ARL5B: variants seen among roughly 807,000 people sequenced by gnomAD.
ARL5B encodes ADP-ribosylation factor-like protein 5B.
ARL5B carries 10 observed loss-of-function variants against 26.9 expected under a neutral mutation model. The observed-to-expected ratio is 0.37, with a 90% CI of 0.23 to 0.63. The LOEUF is 0.63. Ranked by LOEUF, ARL5B falls within the 30% of genes least tolerant of loss-of-function variation. The pLI is 0.62. For synonymous variants in ARL5B, 87 were observed against 70.4 expected (o/e 1.24, Z -1.18); for missense variants, 167 against 213.9 (o/e 0.78, Z 1.37).
chr10:18,668,925 A>G (rs1258635354), intron 3 of ARL5B, among the ~76,000 whole-genome samples: 1 of 151,998 alleles, frequency 6.6e-6, no homozygotes, highest in African/African-American at 2.4e-5. Flanking sequence ...GAGTGCCACC[A>G]CACCCGGCTA....
rs1293770376 is a variant in ARL5B at position 18,666,743 on chromosome 10, T to G, written c.107+108T>G. ...ATGACGGAAAAACTTAAATATATGT[T>G]TTTTGTTTTTTGTTTTTTTAATTTT... is the stretch of plus-strand genomic sequence containing the variant. On this transcript the variant is annotated intron_variant, in intron 2 of 5. Coordinates refer to ENST00000377275, the MANE Select transcript of ARL5B (RefSeq NM_178815.5). The G allele has an allele frequency of 6.6e-6, 5 of 755,338 alleles. No individual in the cohort carries two copies. The African/African-American group carries it at 9.0e-5, about 14-fold the overall frequency. The allele number at this position is 755,338 out of a possible 1,614,324, so 46.8% of individuals were successfully genotyped here.
At chr10:18,674,658 G>T (rs777139068) in intron 5 of ARL5B, among the ~76,000 whole-genome samples, 10 of 152,146 alleles carry the variant, frequency 6.6e-5, no homozygotes, top group Non-Finnish European at 1.2e-4. Context: ...AAGAAGAACC[G>T]AATGTTATTT....
chr10:18,671,551 A>G (rs1010783602), intron 3 of ARL5B, among the ~76,000 whole-genome samples: 4 of 152,072 alleles, frequency 2.6e-5, no homozygotes, highest in Non-Finnish European at 1.5e-5. Flanking sequence ...CTCCTGCTGT[A>G]ATAACATCAT....
rs1460181360 is a variant in ARL5B at position 18,681,072 on chromosome 10, T to G, written c.*5856T>G. ...GCTTTCTGCGAAAGCTCTAAGAATATCTTCATTACTATGCTTGGTCAACTG... is the reference window on the plus strand; with the variant it reads ...GCTTTCTGCGAAAGCTCTAAGAATAGCTTCATTACTATGCTTGGTCAACTG... On this transcript the variant is annotated 3_prime_UTR_variant, in exon 6 of 6. Transcript: ENST00000377275. The G allele has an allele frequency of 6.6e-6, 1 of 152,162 alleles. No homozygotes were observed. The highest frequency in any genetic ancestry group is 1.5e-5 in the Non-Finnish European group (1 of 68,022). The allele number at this position is 152,162 out of a possible 1,614,324, so 9.4% of individuals were successfully genotyped here. A position where few individuals can be genotyped will look rare whatever the true frequency, so the allele number is the denominator to read the frequency against.
Position 18,679,623 on chromosome 10 carries a change from ATTCCAT to A in ARL5B, c.*4410_*4415del, listed in dbSNP as rs2059924348. 1 of 151,944 alleles carries A rather than the reference ATTCCAT, an allele frequency of 6.6e-6. No homozygotes were observed. Among genetic ancestry groups the A allele is most frequent in the Non-Finnish European group, 1.5e-5 (1 of 67,848 alleles). 9.4% of individuals were successfully genotyped at this position (151,944 alleles called of 1,614,324 possible). ...CCAATATAAAAAAATATGTTCAACT[ATTCCAT>A]TTTAAATTTAAAGCAGAAAAAAAAA... On this transcript the variant is annotated 3_prime_UTR_variant, in exon 6 of 6. Transcript: ENST00000377275.
At chr10:18,662,772 C>T (rs1044883332) in intron 1 of ARL5B, among the ~76,000 whole-genome samples, 3 of 150,268 alleles carry the variant, frequency 2.0e-5, no homozygotes, top group African/African-American at 7.4e-5. Context: ...GGTGCGATCT[C>T]GGTCCACTGC....
At chr10:18,668,931 G>A (rs1034330651) in intron 3 of ARL5B, among the ~76,000 whole-genome samples, 14 of 151,838 alleles carry the variant, frequency 9.2e-5, no homozygotes, top group Non-Finnish European at 1.3e-4. Context: ...CACCACACCC[G>A]GCTAATTTTT....
chr10:18,670,286 A>G (rs1209294799), intron 3 of ARL5B, among the ~76,000 whole-genome samples: 4 of 152,122 alleles, frequency 2.6e-5, no homozygotes, highest in Admixed American at 2.6e-4. Context: ...TTATACAGTA[A>G]AATAATGTTC....
chr10:18,661,744 ATG>A (rs2059837831), intron 1 of ARL5B, among the ~76,000 whole-genome samples: 1 of 152,242 alleles, frequency 6.6e-6, no homozygotes, highest in Admixed American at 6.5e-5. Context: ...ACGTAATGTA[ATG>A]ATGAGTAGGA....
chr10:18,662,566 ATG>A (rs1209998572), intron 1 of ARL5B, among the ~76,000 whole-genome samples: 1 of 152,124 alleles, frequency 6.6e-6, no homozygotes, highest in Non-Finnish European at 1.5e-5. Context: ...CATATGTGTT[ATG>A]TGTGTTTGAT....
At chr10:18,661,794 C>T (rs562006834) in intron 1 of ARL5B, among the ~76,000 whole-genome samples, 157 of 152,200 alleles carry the variant, frequency 1.0e-3, no homozygotes, top group Non-Finnish European at 1.7e-3. Context: ...ATAGAAGGGA[C>T]GTGTTATTCT....
In ARL5B at chr10:18,680,228, C is replaced by A. The variant is rs908956280; in HGVS notation, c.*5012C>A. ...TACCATCCCATAAAAACCCCCTTCA[C>A]CCAAACTGTATTTGAAATATGCAAA... On this transcript the variant is annotated 3_prime_UTR_variant, in exon 6 of 6. Coordinates refer to ENST00000377275, the MANE Select transcript of ARL5B (RefSeq NM_178815.5). 2.0e-5 allele frequency: 3 copies of A among 151,992 alleles called. No homozygotes were observed. The highest frequency in any genetic ancestry group is 4.4e-5 in the Non-Finnish European group (3 of 67,892). The allele number at this position is 151,992 out of a possible 1,614,324, so 9.4% of individuals were successfully genotyped here.
At chr10:18,660,218 A>G (rs2059824166) in intron 1 of ARL5B, among the ~76,000 whole-genome samples, 1 of 152,014 alleles carries the variant, frequency 6.6e-6, no homozygotes, top group Admixed American at 6.6e-5. Context: ...TCTTCATTGT[A>G]AACTTTTTTT....
rs768039192 is a variant in ARL5B, at chr10:18,681,478, A to C, written c.*6262A>C. ...AATTATGTTATAATGAGTTGTTTGCATGCCTACTTAACCCAAGTAAAACGA... is the reference window on the plus strand; with the variant it reads ...AATTATGTTATAATGAGTTGTTTGCCTGCCTACTTAACCCAAGTAAAACGA... On this transcript the variant is annotated 3_prime_UTR_variant, in exon 6 of 6. Transcript: ENST00000377275. 1 of 152,188 alleles carries C rather than the reference A, an allele frequency of 6.6e-6. No homozygotes were observed. The highest frequency in any genetic ancestry group is 2.4e-5 in the African/African-American group (1 of 41,456). The allele number at this position is 152,188 out of a possible 1,614,324, so 9.4% of individuals were successfully genotyped here. A position where few individuals can be genotyped will look rare whatever the true frequency, so the allele number is the denominator to read the frequency against.
chr10:18,667,696 A>AATATAT lies in ARL5B; in HGVS notation c.108-820_108-815dup, dbSNP rs150786260. Among the ~76,000 whole-genome samples, 52 of 149,314 alleles carry AATATAT rather than the reference A, an allele frequency of 3.5e-4. 2 individuals carry two copies. In the East Asian group the frequency reaches 9.5e-3, roughly 27 times the overall value. On this transcript the variant is annotated intron_variant, in intron 2 of 5. Transcript: ENST00000377275. ...GAGGGGTATGAGCATCAGTATTCTA[A>AATATAT]ATATATATATATATATATACACACA...
chr10:18,667,226 G>T (rs143546259), intron 2 of ARL5B, among the ~76,000 whole-genome samples: 51 of 152,226 alleles, frequency 3.4e-4, no homozygotes, highest in African/African-American at 1.2e-3. Context: ...GATCTACCAG[G>T]CACTTTAACA....
chr10:18,673,242 A>G (rs1230731988), intron 4 of ARL5B, among the ~76,000 whole-genome samples: 1 of 151,816 alleles, frequency 6.6e-6, no homozygotes, highest in Non-Finnish European at 1.5e-5. Flanking sequence ...TTGTATTTTT[A>G]GTAGAGACAG....
intron 3 of ARL5B, among the ~76,000 whole-genome samples, chr10:18,671,320 C>G (rs1307983118): frequency 6.6e-6 from 1 of 151,994 alleles, no homozygotes; most frequent in African/African-American, 2.4e-5. Flanking sequence ...CTACAGTACA[C>G]ACCACCACAC....
At chr10:18,662,538 A>T (rs561476520) in intron 1 of ARL5B, among the ~76,000 whole-genome samples, 1 of 152,286 alleles carries the variant, frequency 6.6e-6, no homozygotes, top group Admixed American at 6.5e-5. Flanking sequence ...TTATATGTTA[A>T]TGTAGTTCTG....
Sources: gnomAD v4.1 joint callset for allele counts (sites outside exome capture counted in the v4.1 genomes callset) on GRCh38, gnomAD v4.1.1 for gene constraint, MANE v1.5 for transcripts, NCBI Gene and HGNC (gene_info 2026-07-23, HGNC 2026-07-21) for gene names.